Variants in MTUS1 observed in about 807,000 individuals in gnomAD.
The protein encoded by MTUS1 is microtubule associated scaffold protein 1, also known as microtubule-associated tumor suppressor 1.
In MTUS1, 109 loss-of-function variants were observed where a neutral mutation model predicts 120.8. The observed-to-expected ratio is 0.90, with a 90% confidence interval of 0.77 to 1.06. The LOEUF (loss-of-function observed/expected upper bound fraction) is 1.06, where lower values mean the gene tolerates loss of function less well. Ranked by LOEUF, MTUS1 falls within the 50% of genes least tolerant of loss-of-function variation. The probability of loss-of-function intolerance (pLI) is 0.00; values close to 1 mark genes in which losing one functional copy is unlikely to be tolerated. For missense variants in MTUS1, 2,210 were observed against 1,486.3 expected, an observed-to-expected ratio of 1.49 and a Z score of -8.01; for synonymous variants, 737 against 550.5, an observed-to-expected ratio of 1.34 and a Z score of -4.74.
intron 3 of MTUS1, among the ~76,000 whole-genome samples, chr8:17,725,143 T>C (rs1036071429): frequency 2.0e-5 from 3 of 152,124 alleles, no homozygotes; most frequent in Non-Finnish European, 4.4e-5. Context: ...TAGCACTGTC[T>C]CCCAATGCTA....
chr8:17,668,792 C>T (rs1811432432), intron 8 of MTUS1, among the ~76,000 whole-genome samples: 1 of 152,072 alleles, frequency 6.6e-6, no homozygotes, highest in Non-Finnish European at 1.5e-5. Flanking sequence ...AGCCCAGTAC[C>T]CGATAGTTAT....
In MTUS1 at chr8:17,754,884, T is replaced by C. The variant is rs370125121; in HGVS notation, c.924A>G (p.Gln308=). The C allele has an allele frequency of 3.1e-6, 5 of 1,614,126 alleles. No homozygotes were observed. The African/African-American group carries it at 4.0e-5, about 13-fold the overall frequency. ...CATCATGGGATAAACAAAAGAACTCTTGTAATGCAGAATCATTGGGGACTT... is the reference window on the plus strand; with the variant it reads ...CATCATGGGATAAACAAAAGAACTCCTGTAATGCAGAATCATTGGGGACTT... The part of the protein sequence containing the change: ...GMEVPNDSAL[Q]EFFCLSHDES... The change falls in exon 2 of 15, where the codon CAA becomes CAG. Residue 308 remains glutamine, a synonymous_variant. Transcript: ENST00000693296.
chr8:17,769,320 C>T (rs982234898), intron 1 of MTUS1, among the ~76,000 whole-genome samples: 2 of 142,020 alleles, frequency 1.4e-5, no homozygotes, highest in Admixed American at 7.3e-5. Context: ...ACTCTTAAAA[C>T]TGCATTTCTG....
intron 2 of MTUS1, among the ~76,000 whole-genome samples, chr8:17,751,564 G>C (rs1048555044): frequency 1.5e-5 from 1 of 65,066 alleles, no homozygotes; most frequent in Non-Finnish European, 5.5e-5. Context: ...AGACATGATC[G>C]TGAAAAAAGA....
At chr8:17,724,713 T>C (rs1235415141) in intron 3 of MTUS1, among the ~76,000 whole-genome samples, 2 of 152,226 alleles carry the variant, frequency 1.3e-5, no homozygotes, top group Non-Finnish European at 1.5e-5. Context: ...AAGCCCAGTC[T>C]TTCGCTCTTA....
intron 9 of MTUS1, 92 bp downstream of exon 9, chr8:17,655,771 A>C: frequency 9.0e-7 from 1 of 1,110,624 alleles, no homozygotes; most frequent in Non-Finnish European, 1.4e-6. Flanking sequence ...CTATTAGACT[A>C]AAAAAGAGAA....
chr8:17,713,338 C>CA (rs1364872643), intron 5 of MTUS1, 86 bp from the exon 6 acceptor site: 10 of 851,828 alleles, frequency 1.2e-5, no homozygotes, highest in Admixed American at 2.4e-5. Flanking sequence ...GAATTATTTT[C>CA]AAAAACAATC....
At chr8:17,714,163 G>A (rs745670936) in intron 5 of MTUS1, among the ~76,000 whole-genome samples, 2 of 152,248 alleles carry the variant, frequency 1.3e-5, no homozygotes, top group Non-Finnish European at 2.9e-5. Context: ...TGGTGCCTCC[G>A]AAATTTGATT....
chr8:17,646,913 G>T, intron 14 of MTUS1, 69 bp downstream of exon 14: 3 of 1,119,328 alleles, frequency 2.7e-6, no homozygotes, highest in Non-Finnish European at 4.1e-6. Context: ...GGTAGAGCGT[G>T]TCCAGAAAGT....
At chr8:17,733,276 G>C (rs1383893268) in intron 3 of MTUS1, among the ~76,000 whole-genome samples, 2 of 151,902 alleles carry the variant, frequency 1.3e-5, no homozygotes, top group Admixed American at 6.6e-5. Context: ...GCTTAAACCA[G>C]GGAGGTGGAG....
At chr8:17,760,955 C>G (rs991597628) in intron 1 of MTUS1, among the ~76,000 whole-genome samples, 6 of 151,978 alleles carry the variant, frequency 3.9e-5, no homozygotes, top group African/African-American at 1.2e-4. Flanking sequence ...TTGTGTAACA[C>G]TCCAGAACAA....
intron 1 of MTUS1, among the ~76,000 whole-genome samples, chr8:17,790,408 C>T (rs909934730): frequency 3.3e-5 from 5 of 151,596 alleles, no homozygotes; most frequent in African/African-American, 4.8e-5. Flanking sequence ...TATAAGACCA[C>T]AGACTGCTAA....
At chr8:17,765,941 T>C (rs1184405491) in intron 1 of MTUS1, among the ~76,000 whole-genome samples, 2 of 152,018 alleles carry the variant, frequency 1.3e-5, no homozygotes, top group African/African-American at 4.8e-5. Context: ...TCACAAATCC[T>C]CTCCACTAAT....
At chr8:17,757,007 G>C (rs1416292591) in intron 1 of MTUS1, among the ~76,000 whole-genome samples, 2 of 152,186 alleles carry the variant, frequency 1.3e-5, no homozygotes, top group Non-Finnish European at 2.9e-5. Context: ...GAAGACTTAA[G>C]TACCACATGC....
intron 2 of MTUS1, among the ~76,000 whole-genome samples, chr8:17,750,164 T>C (rs1311833395): frequency 2.0e-5 from 3 of 152,204 alleles, no homozygotes; most frequent in African/African-American, 7.2e-5. Flanking sequence ...GGCAGTCGAA[T>C]TCATACATTA....
intron 2 of MTUS1, among the ~76,000 whole-genome samples, chr8:17,747,371 C>T (rs902014706): frequency 6.6e-6 from 1 of 151,942 alleles, no homozygotes; most frequent in African/African-American, 2.4e-5. Flanking sequence ...ACTCTGCCCA[C>T]CACCACATCT....
chr8:17,749,409 A>G (rs1158868654), intron 2 of MTUS1, among the ~76,000 whole-genome samples: 1 of 152,148 alleles, frequency 6.6e-6, no homozygotes, highest in Non-Finnish European at 1.5e-5. Context: ...CTGTAATCCC[A>G]GCACTTTGAG....
At chr8:17,710,000 C>G (rs530252702) in intron 6 of MTUS1, among the ~76,000 whole-genome samples, 2 of 123,690 alleles carry the variant, frequency 1.6e-5, no homozygotes, top group South Asian at 2.7e-4. Context: ...GAGCAAGACT[C>G]TGTCTCAAAA....
chr8:17,661,855 C>T (rs1259773418), intron 8 of MTUS1, among the ~76,000 whole-genome samples: 1 of 152,288 alleles, frequency 6.6e-6, no homozygotes, highest in African/African-American at 2.4e-5. Flanking sequence ...TTTACTGGCC[C>T]GGTGTGCTGC....
Sources: gnomAD v4.1 joint callset for allele counts (sites outside exome capture counted in the v4.1 genomes callset) on GRCh38, gnomAD v4.1.1 for gene constraint, MANE v1.5 for transcripts, NCBI Gene and HGNC (gene_info 2026-07-23, HGNC 2026-07-21) for gene names.